Variants in DLG2 observed in about 807,000 individuals in gnomAD.
DLG2 encodes discs large MAGUK scaffold protein 2.
A neutral mutation model predicts 132.5 loss-of-function variants in DLG2; 45 were observed. The ratio of observed to expected loss-of-function variants is 0.34; its 90% CI spans 0.27 to 0.44. DLG2 has a LOEUF of 0.44. DLG2 is among the 20% of genes least tolerant of loss of function. DLG2 has a pLI of 1.00. For synonymous variants in DLG2, 424 were observed against 419.6 expected, an observed-to-expected ratio of 1.01 and a Z score of -0.13; for missense variants, 1,045 against 1,196.9, an observed-to-expected ratio of 0.87 and a Z score of 1.87.
At chr11:84,469,059 C>T (rs1356484323) in intron 7 of DLG2, among the ~76,000 whole-genome samples, 32 of 151,564 alleles carry the variant, frequency 2.1e-4, no homozygotes, top group Admixed American at 2.1e-3. Flanking sequence ...AGACAACAGT[C>T]AAGGACTCAT....
At chr11:84,653,223 C>A (rs1413356649) in intron 6 of DLG2, among the ~76,000 whole-genome samples, 2 of 152,144 alleles carry the variant, frequency 1.3e-5, no homozygotes, top group African/African-American at 4.8e-5. Flanking sequence ...AGCCACTGCA[C>A]CTTGCCCAAT....
At chr11:83,585,486 G>C (rs568983191) in intron 19 of DLG2, among the ~76,000 whole-genome samples, 3 of 152,200 alleles carry the variant, frequency 2.0e-5, no homozygotes, top group African/African-American at 7.2e-5. Flanking sequence ...ACTTATACTG[G>C]TGTCATCCTA....
intron 21 of DLG2, among the ~76,000 whole-genome samples, chr11:83,506,428 G>T (rs1391803687): frequency 6.6e-6 from 1 of 152,102 alleles, no homozygotes; most frequent in Non-Finnish European, 1.5e-5. Flanking sequence ...ATTGATTTTT[G>T]AGTGTAGTGC....
At chr11:85,090,919 G>C (rs2068661193) in intron 6 of DLG2, among the ~76,000 whole-genome samples, 1 of 152,196 alleles carries the variant, frequency 6.6e-6, no homozygotes, top group Non-Finnish European at 1.5e-5. Flanking sequence ...TTCCATTTAT[G>C]GCAGAAGACA....
intron 7 of DLG2, among the ~76,000 whole-genome samples, chr11:84,384,015 T>A (rs1238628230): frequency 1.3e-5 from 2 of 151,208 alleles, no homozygotes. Flanking sequence ...AAATAAATTG[T>A]TTCCCAACAG....
chr11:83,584,586 A>AAT, intron 19 of DLG2, among the ~76,000 whole-genome samples: 1 of 152,368 alleles, frequency 6.6e-6, no homozygotes, highest in Non-Finnish European at 1.5e-5. Context: ...TGTGATGAAT[A>AAT]ATAGAGTGTC....
chr11:84,860,871 G>T (rs1182092037), intron 6 of DLG2, among the ~76,000 whole-genome samples: 1 of 151,596 alleles, frequency 6.6e-6, no homozygotes, highest in Non-Finnish European at 1.5e-5. Flanking sequence ...ATGAAAGGAA[G>T]GGGGGAGGGG....
At position 84,241,567 on chromosome 11, in the gene DLG2, A is replaced by G. The variant is rs569662370; in HGVS notation, c.573+9671T>C. On this transcript the variant is annotated intron_variant, in intron 8 of 27. Transcript: ENST00000376104. ...TGTCTATTCATTAGACTAGGAAACA[A>G]TGTGTTTAAAGGTCCCAAGTGATTC... 2.0e-5 allele frequency among the ~76,000 whole-genome samples: 3 copies of G among 152,218 alleles called. No individual in the cohort carries two copies. The East Asian group carries it at 5.8e-4, about 29-fold the overall frequency.
intron 14 of DLG2, among the ~76,000 whole-genome samples, chr11:83,938,063 A>G (rs2081895955): frequency 6.6e-6 from 1 of 152,268 alleles, no homozygotes; most frequent in Non-Finnish European, 1.5e-5. Flanking sequence ...GAATAAAACA[A>G]AACAATCAAA....
At chr11:84,086,170 C>T (rs2096976619) in intron 10 of DLG2, among the ~76,000 whole-genome samples, 1 of 152,106 alleles carries the variant, frequency 6.6e-6, no homozygotes, top group Non-Finnish European at 1.5e-5. Flanking sequence ...TCTTCTTTAA[C>T]AGATTCAAGA....
chr11:83,456,379 G>A lies in DLG2; in HGVS notation c.*3439C>T, dbSNP rs1336677559. ...TTCTGGGCTGAGTAGGTGAAACGGC[G>A]ACCTAAAGTATTTGTGTCATTAGTC... On this transcript the variant is annotated 3_prime_UTR_variant, in exon 28 of 28. Coordinates refer to ENST00000376104, the MANE Select transcript of DLG2 (RefSeq NM_001142699.3). The A allele has an allele frequency of 2.0e-5, 3 of 152,720 alleles. No homozygotes were observed. Among genetic ancestry groups the A allele is most frequent in the African/African-American group, 2.4e-5 (1 of 41,456 alleles). 9.5% of individuals were successfully genotyped at this position (152,720 alleles called of 1,614,324 possible). A position where few individuals can be genotyped will look rare whatever the true frequency, so the allele number is the denominator to read the frequency against.
At chr11:83,748,828 C>CT (rs2093103179) in intron 18 of DLG2, among the ~76,000 whole-genome samples, 1 of 152,166 alleles carries the variant, frequency 6.6e-6, no homozygotes, top group African/African-American at 2.4e-5. Context: ...ATCTCTACTA[C>CT]TTTGTTCCCC....
At chr11:84,278,791 T>C (rs1397179272) in intron 7 of DLG2, among the ~76,000 whole-genome samples, 2 of 129,272 alleles carry the variant, frequency 1.5e-5, no homozygotes, top group African/African-American at 2.8e-5. Flanking sequence ...AATTATGAAA[T>C]AGTAAACATT....
intron 6 of DLG2, among the ~76,000 whole-genome samples, chr11:84,535,138 A>G (rs552053197): frequency 1.3e-5 from 2 of 152,358 alleles, no homozygotes; most frequent in South Asian, 4.1e-4. Flanking sequence ...AAGAAAACAG[A>G]ATTCCAATAT....
chr11:84,701,383 C>A (rs557851780), intron 6 of DLG2, among the ~76,000 whole-genome samples: 3 of 151,528 alleles, frequency 2.0e-5, no homozygotes, highest in Non-Finnish European at 4.4e-5. Context: ...AGTGTAGGTA[C>A]TTCTGCCTTT....
intron 5 of DLG2, among the ~76,000 whole-genome samples, chr11:85,148,017 T>G (rs1278567691): frequency 6.6e-6 from 1 of 152,126 alleles, no homozygotes; most frequent in East Asian, 1.9e-4. Flanking sequence ...GGTTTTCTGT[T>G]CTTGTGTTAG....
chr11:83,510,827 T>C (rs1250876520), intron 21 of DLG2, among the ~76,000 whole-genome samples: 2 of 117,650 alleles, frequency 1.7e-5, no homozygotes, highest in African/African-American at 3.3e-5. Flanking sequence ...TTCTGAACCA[T>C]CCGTTTTTTT....
intron 6 of DLG2, among the ~76,000 whole-genome samples, chr11:84,769,866 C>A (rs1023472930): frequency 7.2e-5 from 11 of 152,066 alleles, no homozygotes; most frequent in African/African-American, 2.4e-4. Context: ...AATATCCTGC[C>A]CAACCAAGCT....
chr11:85,198,883 C>T (rs1015903364), intron 4 of DLG2, among the ~76,000 whole-genome samples: 7 of 152,062 alleles, frequency 4.6e-5, no homozygotes, highest in East Asian at 1.9e-4. Flanking sequence ...ACTGGGGCTC[C>T]GTGCTTTTGT....
Sources: gnomAD v4.1 joint callset for allele counts (sites outside exome capture counted in the v4.1 genomes callset) on GRCh38, gnomAD v4.1.1 for gene constraint, MANE v1.5 for transcripts, NCBI Gene and HGNC (gene_info 2026-07-23, HGNC 2026-07-21) for gene names.